The following ODR4 variants were observed in gnomAD, a reference collection of about 807,000 sequenced individuals.
ODR4 encodes the protein odr-4 GPCR localization factor homolog.
ODR4 carries 47 observed loss-of-function variants against 60.2 expected under a neutral mutation model. The observed-to-expected ratio is 0.78, with a 90% CI of 0.62 to 1.00. The LOEUF (loss-of-function observed/expected upper bound fraction) is 1.00. Ranked by LOEUF, ODR4 falls within the 50% of genes least tolerant of loss-of-function variation. The probability of loss-of-function intolerance (pLI) is 0.00; values close to 1 mark genes in which losing one functional copy is unlikely to be tolerated. For missense variants in ODR4, 488 were observed against 530.8 expected (o/e 0.92, Z 0.79); for synonymous variants, 178 against 175.5 (o/e 1.01, Z -0.11).
At chr1:186,397,085 A>C (rs893524647) in intron 9 of ODR4, among the ~76,000 whole-genome samples, 2 of 152,124 alleles carry the variant, frequency 1.3e-5, no homozygotes, top group Non-Finnish European at 2.9e-5. Flanking sequence ...GGTCTGTGGC[A>C]AATTTTTTGT....
chr1:186,407,256 T>C (rs1054125495), intron 12 of ODR4, among the ~76,000 whole-genome samples: 3 of 152,174 alleles, frequency 2.0e-5, no homozygotes, highest in Non-Finnish European at 4.4e-5. Flanking sequence ...AACTCTAGCA[T>C]AGTTCCATGA....
chr1:186,423,820 A>G (rs1369070052), downstream of ODR4, among the ~76,000 whole-genome samples: 8 of 152,154 alleles, frequency 5.3e-5, no homozygotes, highest in Admixed American at 5.2e-4. Flanking sequence ...TTTTCAGAGG[A>G]TATGACTGAA....
Position 186,393,971 on chromosome 1 carries a change from C to A in ODR4, c.736C>A (p.Gln246Lys), listed in dbSNP as rs1292231132. The change falls in exon 9 of 14, where the codon CAA (glutamine) becomes AAA (lysine). Residue 246 changes from glutamine (Q) to lysine (K), a missense_variant. Transcript: ENST00000287859. ...GAAAAAATCTTCTAGAGGAAATACT[C>A]AAGCAACTAGTCATTCTTTTGATGT... is the stretch of plus-strand genomic sequence containing the variant. ...GQKKSSRGNT[Q>K]ATSHSFDVRV... 10 of 1,523,556 alleles carry A rather than the reference C, an allele frequency of 6.6e-6. No individual in the cohort carries two copies. Among genetic ancestry groups the A allele is most frequent in the South Asian group, 1.2e-5 (1 of 82,444 alleles). The allele number at this position is 1,523,556 out of a possible 1,614,324, so 94.4% of individuals were successfully genotyped here.
chr1:186,412,378 G>A (rs1475134191), intron 12 of ODR4, among the ~76,000 whole-genome samples: 2 of 152,126 alleles, frequency 1.3e-5, no homozygotes, highest in South Asian at 2.1e-4. Flanking sequence ...TGACATTTGA[G>A]TTCGTTTTGA....
At chr1:186,390,639 A>T (rs1660431197) in intron 6 of ODR4, 72 bp from the exon 7 acceptor site, 1 of 1,460,256 alleles carries the variant, frequency 6.8e-7, no homozygotes, top group African/African-American at 1.4e-5. Flanking sequence ...TGTATATTTA[A>T]TAATGTTTTG....
chr1:186,434,763 TA>T, the ODR4 span, among the ~76,000 whole-genome samples: 3 of 152,228 alleles, frequency 2.0e-5, no homozygotes, highest in Non-Finnish European at 4.4e-5. Context: ...TAAGTCTCTG[TA>T]ATTCAAGTTA....
the ODR4 span, among the ~76,000 whole-genome samples, chr1:186,430,796 C>T: frequency 6.6e-6 from 1 of 151,360 alleles, no homozygotes; most frequent in African/African-American, 2.4e-5. Context: ...ATTACACTAA[C>T]TCTCAATAAA....
intron 8 of ODR4, 97 bp downstream of exon 8, chr1:186,391,888 C>A: frequency 1.4e-6 from 1 of 710,514 alleles, no homozygotes; most frequent in Non-Finnish European, 2.4e-6. Flanking sequence ...AAACTGATTT[C>A]ATCTACCTCT....
At chr1:186,431,375 G>A in the ODR4 span, among the ~76,000 whole-genome samples, 6 of 152,106 alleles carry the variant, frequency 3.9e-5, no homozygotes, top group African/African-American at 1.4e-4. Context: ...ATTAAGTTGT[G>A]TATTTTTCCC....
intron 11 of ODR4, among the ~76,000 whole-genome samples, chr1:186,399,985 T>C (rs1387326275): frequency 4.1e-5 from 6 of 147,258 alleles, no homozygotes; most frequent in Non-Finnish European, 7.4e-5. Flanking sequence ...ATTCTTTTTT[T>C]TTTTCTTTTT....
At chr1:186,429,046 C>G in the ODR4 span, among the ~76,000 whole-genome samples, 1 of 152,220 alleles carries the variant, frequency 6.6e-6, no homozygotes, top group South Asian at 2.1e-4. Flanking sequence ...CCACTCTAGG[C>G]AACGTGATGA....
At chr1:186,387,882 A>G (rs1274568920) in intron 4 of ODR4, among the ~76,000 whole-genome samples, 1 of 152,092 alleles carries the variant, frequency 6.6e-6, no homozygotes, top group East Asian at 1.9e-4. Context: ...TTCTACTTTA[A>G]CTTTCAATTT....
At chr1:186,412,538 AT>A (rs1301429243) in intron 12 of ODR4, among the ~76,000 whole-genome samples, 1 of 152,222 alleles carries the variant, frequency 6.6e-6, no homozygotes. Flanking sequence ...CATATTTATT[AT>A]AAAGAACACA....
Position 186,393,938 on chromosome 1 carries a change from T to C in ODR4, c.712-9T>C, listed in dbSNP as rs747114145. 2.7e-6 allele frequency: 4 copies of C among 1,490,812 alleles called. No homozygotes were observed. The African/African-American group carries it at 5.6e-5, about 21-fold the overall frequency. 92.3% of individuals were successfully genotyped at this position (1,490,812 alleles called of 1,614,324 possible). ...ACAGTTTGGCTTTTTAACTTTTGTG[T>C]TTTTTCAGAAAAAATCTTCTAGAGG... On this transcript the variant is annotated splice_polypyrimidine_tract_variant and intron_variant, in intron 8 of 13. Coordinates refer to ENST00000287859, the MANE Select transcript of ODR4 (RefSeq NM_017847.6).
intron 9 of ODR4, among the ~76,000 whole-genome samples, chr1:186,395,431 G>A (rs1660635415): frequency 6.6e-6 from 1 of 151,952 alleles, no homozygotes; most frequent in Non-Finnish European, 1.5e-5. Flanking sequence ...ATATATTTTT[G>A]GTAGTCACTC....
At chr1:186,406,773 A>T (rs182141404) in intron 12 of ODR4, among the ~76,000 whole-genome samples, 95 of 152,216 alleles carry the variant, frequency 6.2e-4, no homozygotes, top group Admixed American at 2.7e-3. Flanking sequence ...TATAGAGCAT[A>T]GATTTGCTTT....
intron 1 of ODR4, among the ~76,000 whole-genome samples, chr1:186,378,014 C>T (rs971313738): frequency 6.6e-6 from 1 of 150,988 alleles, no homozygotes; most frequent in Non-Finnish European, 1.5e-5. Flanking sequence ...CACTGCACTC[C>T]AGCCTGGGCA....
intron 12 of ODR4, among the ~76,000 whole-genome samples, chr1:186,407,712 T>TA (rs1478628740): frequency 6.6e-6 from 1 of 152,164 alleles, no homozygotes; most frequent in East Asian, 1.9e-4. Context: ...GAGCAACTAT[T>TA]ATGTTCTAAA....
At chr1:186,416,712 C>T (rs1014629272) in intron 12 of ODR4, among the ~76,000 whole-genome samples, 1 of 150,850 alleles carries the variant, frequency 6.6e-6, no homozygotes, top group African/African-American at 2.4e-5. Flanking sequence ...AAAAATTAGC[C>T]AGGTGTGGTG....
Sources: gnomAD v4.1 joint callset for allele counts (sites outside exome capture counted in the v4.1 genomes callset) on GRCh38, gnomAD v4.1.1 for gene constraint, MANE v1.5 for transcripts, NCBI Gene and HGNC (gene_info 2026-07-23, HGNC 2026-07-21) for gene names.